Variants in GPC6 observed in about 807,000 individuals in gnomAD.
GPC6 encodes glypican 6.
A neutral mutation model predicts 55.2 loss-of-function variants in GPC6; 14 were observed. The ratio of observed to expected loss-of-function variants is 0.25; its 90% CI spans 0.17 to 0.40. The LOEUF (loss-of-function observed/expected upper bound fraction) is 0.40, where lower values mean the gene tolerates loss of function less well. Among genes scored for constraint, GPC6 ranks in the 10% least tolerant of loss-of-function variants. GPC6 has a pLI of 1.00. For missense variants in GPC6, 641 were observed against 708.5 expected (o/e 0.90, Z 1.08); for synonymous variants, 278 against 259.6 (o/e 1.07, Z -0.68).
intron 1 of GPC6, among the ~76,000 whole-genome samples, chr13:93,331,418 T>G (rs1280572841): frequency 6.6e-6 from 1 of 152,202 alleles, no homozygotes; most frequent in Non-Finnish European, 1.5e-5. Flanking sequence ...GCTCTCTTTC[T>G]TAAGAAGCGT....
intron 3 of GPC6, among the ~76,000 whole-genome samples, chr13:93,840,408 C>G (rs1203659334): frequency 6.6e-6 from 1 of 151,870 alleles, no homozygotes; most frequent in Non-Finnish European, 1.5e-5. Flanking sequence ...AATTAGATAC[C>G]CTGAACAGGT....
intron 6 of GPC6, among the ~76,000 whole-genome samples, chr13:94,348,602 A>C (rs1878398600): frequency 6.6e-6 from 1 of 152,114 alleles, no homozygotes; most frequent in Non-Finnish European, 1.5e-5. Flanking sequence ...CTAGATTTTC[A>C]TATTCATCCT....
rs141672389 is a variant in GPC6 at position 93,581,729 on chromosome 13, G to T, written c.319+36308G>T. On this transcript the variant is annotated intron_variant, in intron 2 of 8. Transcript: ENST00000377047. ...AAAAGAAAAAAAGAAAATCTCAGTT[G>T]TAAGGCAGCAATACAAAACTTAGTT... Among the ~76,000 whole-genome samples the T allele has an allele frequency of 5.9e-3, 893 of 152,230 alleles. 15 individuals are homozygous for T. The highest frequency in any genetic ancestry group is 0.032 in the Admixed American group (492 of 15,278).
chr13:93,550,196 T>G (rs1875068612), intron 2 of GPC6, among the ~76,000 whole-genome samples: 1 of 152,124 alleles, frequency 6.6e-6, no homozygotes, highest in Non-Finnish European at 1.5e-5. Context: ...GTTTCTGTCT[T>G]GATGTTGGCA....
Position 94,231,914 on chromosome 13 carries a change from T to C in GPC6, c.878-54435T>C, listed in dbSNP as rs149875923. Among the ~76,000 whole-genome samples the C allele has an allele frequency of 1.3e-3, 198 of 152,252 alleles. 1 individual carries two copies. Among genetic ancestry groups the C allele is most frequent in the African/African-American group, 4.5e-3 (185 of 41,564 alleles). ...TTTTTAAAAAGTTTTTCGACTCTTT[T>C]ATTCTGATCAAAAAAGAAAAAGAAA... On this transcript the variant is annotated intron_variant, in intron 4 of 8. Coordinates refer to ENST00000377047, the MANE Select transcript of GPC6 (RefSeq NM_005708.5).
At chr13:93,877,040 A>C (rs1182025803) in intron 3 of GPC6, among the ~76,000 whole-genome samples, 1 of 152,088 alleles carries the variant, frequency 6.6e-6, no homozygotes, top group Non-Finnish European at 1.5e-5. Flanking sequence ...CTTCAATATG[A>C]CAAATTGTAG....
At chr13:93,635,440 G>C (rs1391879188) in intron 2 of GPC6, among the ~76,000 whole-genome samples, 1 of 152,096 alleles carries the variant, frequency 6.6e-6, no homozygotes, top group African/African-American at 2.4e-5. Context: ...ATTTAGAGTA[G>C]AAGATGGATG....
intron 1 of GPC6, among the ~76,000 whole-genome samples, chr13:93,307,593 T>A (rs933130175): frequency 5.9e-5 from 9 of 152,140 alleles, no homozygotes; most frequent in Non-Finnish European, 1.0e-4. Flanking sequence ...ATTAACACCA[T>A]CATATTAACT....
chr13:94,344,967 G>GA (rs1202165696), intron 6 of GPC6, among the ~76,000 whole-genome samples: 2 of 152,142 alleles, frequency 1.3e-5, no homozygotes, highest in Non-Finnish European at 2.9e-5. Context: ...AACATTCCAA[G>GA]AAATTTCCTT....
intron 1 of GPC6, among the ~76,000 whole-genome samples, chr13:93,277,884 T>C (rs1877810516): frequency 1.3e-5 from 2 of 152,188 alleles, no homozygotes; most frequent in Admixed American, 1.3e-4. Flanking sequence ...TTTGCTTTCC[T>C]ACCATAAAAT....
rs191205420 is a variant in GPC6 at position 93,242,222 on chromosome 13, A to G, written c.160+14606A>G. 1.5e-4 allele frequency among the ~76,000 whole-genome samples: 23 copies of G among 152,230 alleles called. No individual in the cohort carries two copies. The East Asian group carries it at 4.3e-3, about 28-fold the overall frequency. The stretch of plus-strand genomic sequence containing the variant: ...TGAGCACACATCCCAGCCCTGATGG[A>G]TGTAGCCTAGGGAGTTCCCATGAAA... On this transcript the variant is annotated intron_variant, in intron 1 of 8. Transcript: ENST00000377047.
rs757376224 is a variant in GPC6, at chr13:93,227,576, G to T, written c.120G>T (p.Lys40Asn). 1.2e-6 allele frequency: 2 copies of T among 1,611,614 alleles called. No individual in the cohort carries two copies. The highest frequency in any genetic ancestry group is 1.7e-5 in the Admixed American group (1 of 59,986). ...CGEVRQAYGA[K>N]GFSLADIPYQ... is the part of the protein sequence containing the mutation. The stretch of plus-strand genomic sequence containing the variant: ...AGGTCCGCCAGGCGTACGGTGCCAA[G>T]GGATTCAGCCTGGCGGACATCCCCT... The change falls in exon 1 of 9, where the codon AAG (lysine) becomes AAT (asparagine). Residue 40 changes from lysine (K) to asparagine (N), a missense_variant. By Grantham distance (94) the Lys-to-Asn change is moderately conservative. Transcript: ENST00000377047. This position sits in a 1 kb window ranked among gnomAD's most constrained non-coding sequence, Gnocchi z 4.3.
chr13:94,029,247 G>GA (rs772307407), intron 4 of GPC6, among the ~76,000 whole-genome samples: 4 of 152,132 alleles, frequency 2.6e-5, no homozygotes, highest in African/African-American at 9.7e-5. Context: ...TTTTATTTCA[G>GA]AAAAAATAAA....
chr13:93,483,261 T>C (rs996347594), intron 1 of GPC6, among the ~76,000 whole-genome samples: 23 of 152,300 alleles, frequency 1.5e-4, no homozygotes, highest in African/African-American at 5.5e-4. Flanking sequence ...GACAAAAAAC[T>C]TTAGGTTCTC....
At chr13:93,921,100 A>G (rs1317574293) in intron 3 of GPC6, among the ~76,000 whole-genome samples, 1 of 152,082 alleles carries the variant, frequency 6.6e-6, no homozygotes, top group Non-Finnish European at 1.5e-5. Context: ...CTCTCCACCT[A>G]TTTGCATTTT....
chr13:93,966,339 A>G (rs1880041722), intron 3 of GPC6, among the ~76,000 whole-genome samples: 1 of 152,216 alleles, frequency 6.6e-6, no homozygotes, highest in Admixed American at 6.5e-5. Context: ...CTAAAACAAT[A>G]TAAAAGAGTG....
chr13:93,716,997 G>T (rs4262826), intron 2 of GPC6, among the ~76,000 whole-genome samples: 1 of 151,390 alleles, frequency 6.6e-6, no homozygotes, highest in Non-Finnish European at 1.5e-5. Flanking sequence ...CAGGCTAGGA[G>T]CAACAGGCTA....
intron 3 of GPC6, among the ~76,000 whole-genome samples, chr13:93,906,934 CTAGT>C (rs1270100062): frequency 6.6e-6 from 1 of 152,126 alleles, no homozygotes; most frequent in African/African-American, 2.4e-5. Flanking sequence ...CTTTTAGTCA[CTAGT>C]TAATGTTTTT....
intron 6 of GPC6, among the ~76,000 whole-genome samples, chr13:94,309,964 A>C (rs1423678725): frequency 1.3e-5 from 2 of 152,226 alleles, no homozygotes; most frequent in African/African-American, 4.8e-5. Context: ...TGTACTCTGC[A>C]AATTCTCTTA....
Sources: gnomAD v4.1 joint callset for allele counts (sites outside exome capture counted in the v4.1 genomes callset) on GRCh38, gnomAD v4.1.1 for gene constraint, Gnocchi (gnomAD v3.1) non-coding constraint, MANE v1.5 for transcripts, NCBI Gene and HGNC (gene_info 2026-07-23, HGNC 2026-07-21) for gene names.